SLC4A4: variants seen among roughly 807,000 people sequenced by gnomAD.
The protein encoded by SLC4A4 is electrogenic sodium bicarbonate cotransporter 1.
In SLC4A4, 27 loss-of-function variants were observed where a neutral mutation model predicts 111.5. The ratio of observed to expected loss-of-function variants is 0.24; its 90% CI spans 0.18 to 0.33. The LOEUF is 0.33. Ranked by LOEUF, SLC4A4 falls within the 10% of genes least tolerant of loss-of-function variation. SLC4A4 has a pLI of 1.00. For missense variants in SLC4A4, 909 were observed against 1,315.5 expected, an observed-to-expected ratio of 0.69 and a Z score of 4.78; for synonymous variants, 443 against 463.4, an observed-to-expected ratio of 0.96 and a Z score of 0.57.
At chr4:71,101,086 C>A (rs1435992629) in intron 2 of SLC4A4, among the ~76,000 whole-genome samples, 4 of 151,992 alleles carry the variant, frequency 2.6e-5, no homozygotes, top group Non-Finnish European at 5.9e-5. Flanking sequence ...GGTGAAACCC[C>A]ATCTCTACTA....
At chr4:71,278,559 G>C (rs1723252014) in intron 3 of SLC4A4, among the ~76,000 whole-genome samples, 1 of 152,076 alleles carries the variant, frequency 6.6e-6, no homozygotes, top group Non-Finnish European at 1.5e-5. Flanking sequence ...TTACATTTCT[G>C]CCACCAATGT....
At chr4:71,528,363 C>G (rs1464461055) in intron 16 of SLC4A4, among the ~76,000 whole-genome samples, 1 of 152,076 alleles carries the variant, frequency 6.6e-6, no homozygotes, top group Non-Finnish European at 1.5e-5. Flanking sequence ...TCAGTTGCTT[C>G]ATTAAGCTAC....
intron 3 of SLC4A4, among the ~76,000 whole-genome samples, chr4:71,290,523 A>G (rs1012494067): frequency 1.3e-5 from 2 of 152,144 alleles, no homozygotes; most frequent in Non-Finnish European, 2.9e-5. Context: ...ACTTAGAAAA[A>G]TTTGTTTCCA....
chr4:71,511,321 G>T lies in SLC4A4; in HGVS notation c.2166+13629G>T, dbSNP rs553770747. ...GGTCTGGTGGCAGTGAACTTGCTCA[G>T]CATTTATTTGTCTGGGAAAGTATCT... On this transcript the variant is annotated intron_variant, in intron 16 of 25. Transcript: ENST00000264485. 2.6e-5 allele frequency among the ~76,000 whole-genome samples: 4 copies of T among 152,040 alleles called. No homozygotes were observed. In the East Asian group the frequency reaches 5.8e-4, roughly 22 times the overall value.
intron 2 of SLC4A4, among the ~76,000 whole-genome samples, chr4:71,153,309 C>A (rs1349041852): frequency 6.6e-6 from 1 of 151,944 alleles, no homozygotes; most frequent in Admixed American, 6.6e-5. Flanking sequence ...CTTTCCCAGC[C>A]CACTGACTTG....
intron 16 of SLC4A4, among the ~76,000 whole-genome samples, chr4:71,510,022 A>G (rs910575175): frequency 1.3e-5 from 2 of 152,104 alleles, no homozygotes; most frequent in Non-Finnish European, 2.9e-5. Flanking sequence ...AGGGTAGAGT[A>G]TATACAACCT....
At chr4:71,344,784 T>C (rs1403962242) in intron 4 of SLC4A4, among the ~76,000 whole-genome samples, 2 of 152,156 alleles carry the variant, frequency 1.3e-5, no homozygotes, top group Non-Finnish European at 1.5e-5. Context: ...AGGAAATCTG[T>C]AGGCAGAGTA....
At chr4:71,398,758 G>A (rs956380040) in intron 7 of SLC4A4, among the ~76,000 whole-genome samples, 15 of 152,194 alleles carry the variant, frequency 9.9e-5, no homozygotes, top group South Asian at 4.1e-4. Flanking sequence ...ATGGACACTA[G>A]TTTTGTTCTT....
intron 18 of SLC4A4, 47 bp downstream of exon 18, chr4:71,534,435 A>C: frequency 6.3e-7 from 1 of 1,581,938 alleles, no homozygotes; most frequent in Middle Eastern, 1.7e-4. Context: ...CTTTCTTTTT[A>C]GTACTTGAAA....
rs566640250 is a variant in SLC4A4 at position 71,438,636 on chromosome 4, C to G, written c.808-1980C>G. On this transcript the variant is annotated intron_variant, in intron 7 of 25. Transcript: ENST00000264485. Reference sequence around the variant, plus strand: ...AAGATAAGATAGTCATGGATAAATGCAATCATTCGATAACTAGTAATGTTT... The same window carrying G: ...AAGATAAGATAGTCATGGATAAATGGAATCATTCGATAACTAGTAATGTTT... Among the ~76,000 whole-genome samples, 7 of 152,256 alleles carry G rather than the reference C, an allele frequency of 4.6e-5. No individual in the cohort carries two copies. In the South Asian group the frequency reaches 1.5e-3, roughly 32 times the overall value.
At chr4:71,441,923 C>T (rs924256961) in intron 8 of SLC4A4, among the ~76,000 whole-genome samples, 7 of 152,154 alleles carry the variant, frequency 4.6e-5, no homozygotes, top group Non-Finnish European at 5.9e-5. Flanking sequence ...TTTTCTGTAA[C>T]GTAGCTTTTT....
chr4:71,220,176 C>A (rs1251150993), intron 1 of SLC4A4, among the ~76,000 whole-genome samples: 1 of 152,272 alleles, frequency 6.6e-6, no homozygotes, highest in South Asian at 2.1e-4. Flanking sequence ...ATTGATGAGG[C>A]AAACTTTATT....
At chr4:71,242,687 G>T in intron 2 of SLC4A4, among the ~76,000 whole-genome samples, 2 of 150,272 alleles carry the variant, frequency 1.3e-5, no homozygotes, top group East Asian at 1.9e-4. Context: ...ATCTTCTTTG[G>T]TTATTATAAT....
chr4:71,518,454 A>G (rs886466364), intron 16 of SLC4A4, among the ~76,000 whole-genome samples: 8 of 151,950 alleles, frequency 5.3e-5, no homozygotes, highest in African/African-American at 1.9e-4. Context: ...GGGTGCTGGC[A>G]TGGTTCTGCA....
intron 1 of SLC4A4, among the ~76,000 whole-genome samples, chr4:71,212,819 T>G (rs1057449839): frequency 6.6e-6 from 1 of 152,170 alleles, no homozygotes; most frequent in Non-Finnish European, 1.5e-5. Context: ...CCTCTGTTGC[T>G]GGGGGAAAGT....
chr4:71,250,013 T>G (rs1258532902), intron 2 of SLC4A4, among the ~76,000 whole-genome samples: 1 of 152,238 alleles, frequency 6.6e-6, no homozygotes, highest in Non-Finnish European at 1.5e-5. Flanking sequence ...TAGTTTGGTT[T>G]AAGTTTTCTT....
intron 16 of SLC4A4, among the ~76,000 whole-genome samples, chr4:71,501,807 G>A (rs1490691283): frequency 6.6e-6 from 1 of 151,552 alleles, no homozygotes; most frequent in Non-Finnish European, 1.5e-5. Flanking sequence ...GACTACAGGG[G>A]CGTGCCACCA....
At chr4:71,471,687 T>C (rs2149106834) in intron 13 of SLC4A4, among the ~76,000 whole-genome samples, 1 of 152,080 alleles carries the variant, frequency 6.6e-6, no homozygotes, top group East Asian at 1.9e-4. Context: ...CTCCACATAA[T>C]TTTAAAGGGA....
chr4:71,532,197 G>T (rs199768193), intron 17 of SLC4A4, 22 bp downstream of exon 17: 2 of 1,277,664 alleles, frequency 1.6e-6, no homozygotes, highest in Non-Finnish European at 2.3e-6. Flanking sequence ...TCTATCTTTT[G>T]GTCATTCCTG....
Sources: allele counts gnomAD v4.1 joint callset (sites outside exome capture counted in the v4.1 genomes callset), GRCh38; gene constraint gnomAD v4.1.1; transcripts MANE v1.5; gene names NCBI Gene and HGNC (gene_info 2026-07-23, HGNC 2026-07-21).